The following UNC80 variants were observed in gnomAD, a reference collection of about 807,000 sequenced individuals.
UNC80 encodes the protein protein unc-80 homolog.
In UNC80, 164 loss-of-function variants were observed where a neutral mutation model predicts 384.6. The observed-to-expected ratio is 0.43, with a 90% CI of 0.38 to 0.49. UNC80 has a LOEUF of 0.49. Ranked by LOEUF, UNC80 falls within the 20% of genes least tolerant of loss-of-function variation. The pLI, the probability that UNC80 is intolerant of heterozygous loss-of-function variation, is 0.00. For missense variants in UNC80, 3,330 were observed against 4,143.0 expected, an observed-to-expected ratio of 0.80 and a Z score of 5.39; for synonymous variants, 1,486 against 1,527.8, an observed-to-expected ratio of 0.97 and a Z score of 0.64.
In UNC80 at chr2:209,880,945, C is replaced by T; in HGVS notation, c.3977-16C>T. 2 of 1,550,520 alleles carry T rather than the reference C, an allele frequency of 1.3e-6. No individual in the cohort carries two copies. Among genetic ancestry groups the T allele is most frequent in the Non-Finnish European group, 1.7e-6 (2 of 1,146,136 alleles). On this transcript the variant is annotated splice_polypyrimidine_tract_variant and intron_variant, in intron 24 of 64. Transcript: ENST00000673920. ...GTTGATTTGTCTCCTTATGAAAGAA[C>T]ACTTTCATTTCCTAGGTACTGTGAA...
At chr2:209,959,459 A>G (rs1239596913) in intron 50 of UNC80, 30 bp from the exon 51 acceptor site, 11 of 1,542,192 alleles carry the variant, frequency 7.1e-6, no homozygotes, top group Non-Finnish European at 9.7e-6. Context: ...ACATTTTCAG[A>G]CCCCTAGTTA....
intron 19 of UNC80, 75 bp from the exon 20 acceptor site, chr2:209,840,467 C>A: frequency 7.9e-7 from 1 of 1,267,992 alleles, no homozygotes; most frequent in Non-Finnish European, 1.1e-6. Context: ...GCTTGTTGGG[C>A]TTATGTTGAC....
chr2:209,850,748 A>G (rs113167812), intron 22 of UNC80, among the ~76,000 whole-genome samples: 1 of 152,098 alleles, frequency 6.6e-6, no homozygotes, highest in East Asian at 1.9e-4. Flanking sequence ...ATGTGTGTTG[A>G]TATGTGCCAT....
At chr2:209,776,525 T>C (rs1012830057) in intron 3 of UNC80, among the ~76,000 whole-genome samples, 5 of 152,172 alleles carry the variant, frequency 3.3e-5, no homozygotes, top group African/African-American at 9.7e-5. Flanking sequence ...AGGTTACAGT[T>C]AGCTGGGATC....
In UNC80 at chr2:209,825,966, G is replaced by C; in HGVS notation, c.2391G>C (p.Val797=). The C allele has an allele frequency of 6.4e-7, 1 of 1,550,954 alleles. No individual in the cohort carries two copies. Among genetic ancestry groups the C allele is most frequent in the South Asian group, 1.2e-5 (1 of 83,948 alleles). ...RLALTMLIKI[V]KSLGCAYGCG... ...CTCTAACAATGCTCATCAAAATAGT[G>C]AAGTCTTTGGGATGTGCCTATGGTT... The change falls in exon 14 of 65, where the codon GTG becomes GTC. Residue 797 remains valine (V), a synonymous_variant. Transcript: ENST00000673920.
chr2:209,962,892 T>G (rs543020208), intron 51 of UNC80, among the ~76,000 whole-genome samples: 3 of 152,226 alleles, frequency 2.0e-5, no homozygotes, highest in Non-Finnish European at 4.4e-5. Flanking sequence ...GAGGGTAGTA[T>G]TAAATCGTTC....
intron 18 of UNC80, among the ~76,000 whole-genome samples, chr2:209,837,978 A>G (rs1039868318): frequency 6.6e-6 from 1 of 151,938 alleles, no homozygotes; most frequent in Non-Finnish European, 1.5e-5. Context: ...TCGCCGTGTT[A>G]GCCAGAATGG....
chr2:209,869,089 C>A (rs1325070990), intron 22 of UNC80: 3 of 152,172 alleles, frequency 2.0e-5, no homozygotes, highest in Non-Finnish European at 4.4e-5. Context: ...CTCTGATACT[C>A]TGTGGTTCTT....
chr2:209,810,946 T>TG (rs1323530204), intron 7 of UNC80, among the ~76,000 whole-genome samples: 1 of 149,734 alleles, frequency 6.7e-6, no homozygotes, highest in African/African-American at 2.5e-5. Flanking sequence ...AGCATGGGGG[T>TG]GGGGGGAAGG....
In UNC80 at chr2:209,972,214, A is replaced by G; in HGVS notation, c.8270A>G (p.Asp2757Gly). Residue 2757 changes from aspartate to glycine, a missense_variant, in exon 55 of 65, where the codon GAT becomes GGT. Coordinates refer to ENST00000673920, the MANE Select transcript of UNC80 (RefSeq NM_001371986.1). ...VALQIQALKE[D>G]FPLSHVISPF... ...ATTGCTGCACAGGCTTTAAAAGAAG[A>G]TTTTCCTTTAAGCCATGTGATCTCC... The G allele has an allele frequency of 6.4e-7, 1 of 1,550,988 alleles. No homozygotes were observed. Among genetic ancestry groups the G allele is most frequent in the Non-Finnish European group, 8.7e-7 (1 of 1,146,676 alleles).
In UNC80 at chr2:209,872,723, T is replaced by C. The variant is rs1172767353; in HGVS notation, c.3628-35T>C. The C allele has an allele frequency of 2.0e-6, 3 of 1,507,308 alleles. No homozygotes were observed. Among genetic ancestry groups the C allele is most frequent in the Non-Finnish European group, 2.7e-6 (3 of 1,107,138 alleles). 93.4% of individuals were successfully genotyped at this position (1,507,308 alleles called of 1,614,324 possible). ...CCAATTTAAAGTTATTGTTCATTAA[T>C]CCCACATTATTCTTTCCTAAACAAC... On this transcript the variant is annotated intron_variant, in intron 22 of 64. Transcript: ENST00000673920. The surrounding 1 kb of genome is among the most constrained non-coding windows in gnomAD (Gnocchi z 4.1).
At chr2:209,846,735 C>T (rs968751806) in intron 21 of UNC80, among the ~76,000 whole-genome samples, 18 of 151,934 alleles carry the variant, frequency 1.2e-4, no homozygotes, top group Non-Finnish European at 2.1e-4. Flanking sequence ...AAAAAGTAAT[C>T]GTTATGTCTA....
intron 7 of UNC80, among the ~76,000 whole-genome samples, chr2:209,801,953 T>C (rs1355434571): frequency 6.6e-6 from 1 of 152,222 alleles, no homozygotes; most frequent in African/African-American, 2.4e-5. Context: ...CCTAGTTGAA[T>C]AATCTTCTGC....
chr2:209,839,336 A>G lies in UNC80; in HGVS notation c.3156A>G (p.Glu1052=). 6.4e-7 allele frequency: 1 copy of G among 1,551,824 alleles called. No individual in the cohort carries two copies. ...TSSQSEQDTS[E]CTTAHSGTTS... ...GCCAGTCTGAACAGGACACTTCAGA[A>G]TGCACGACTGCCCACTCAGGGACCA... The change falls in exon 19 of 65, where the codon GAA becomes GAG. Residue 1052 remains glutamate (E), a synonymous_variant. Transcript: ENST00000673920. The surrounding 1 kb of genome is among the most constrained non-coding windows in gnomAD (Gnocchi z 4.1).
Position 209,829,396 on chromosome 2 carries a change from C to A in UNC80, c.2626+17C>A. 1 of 1,550,730 alleles carries A rather than the reference C, an allele frequency of 6.4e-7. No individual in the cohort carries two copies. The highest frequency in any genetic ancestry group is 8.7e-7 in the Non-Finnish European group (1 of 1,146,432). The stretch of plus-strand genomic sequence containing the variant: ...TCACTGACAGTAAGTAAAGCTGCAC[C>A]CAAGTTCTAGGAGAAGTCGTTGTGA... On this transcript the variant is annotated intron_variant, in intron 15 of 64. Transcript: ENST00000673920.
intron 4 of UNC80, among the ~76,000 whole-genome samples, chr2:209,780,174 C>G (rs911147253): frequency 6.6e-6 from 1 of 152,156 alleles, no homozygotes; most frequent in Non-Finnish European, 1.5e-5. Flanking sequence ...TCAGGAGTGA[C>G]TACTCAAATA....
At position 209,839,208 on chromosome 2, in the gene UNC80, C is replaced by T. The variant is rs555647580; in HGVS notation, c.3042-14C>T. 2 of 1,550,786 alleles carry T rather than the reference C, an allele frequency of 1.3e-6. No individual in the cohort carries two copies. Among genetic ancestry groups the T allele is most frequent in the African/African-American group, 2.7e-5 (2 of 73,128 alleles). On this transcript the variant is annotated splice_polypyrimidine_tract_variant and intron_variant, in intron 18 of 64. Coordinates refer to ENST00000673920, the MANE Select transcript of UNC80 (RefSeq NM_001371986.1). This position sits in a 1 kb window ranked among gnomAD's most constrained non-coding sequence, Gnocchi z 4.1. ...GTTGTCAGAAGTTTAACCCTATCCTCTGCTTGCCTACAGCGATGAACAAAT... is the reference window on the plus strand; with the variant it reads ...GTTGTCAGAAGTTTAACCCTATCCTTTGCTTGCCTACAGCGATGAACAAAT...
In UNC80 at chr2:209,772,179, G is replaced by A. The variant is rs1291453071; in HGVS notation, c.92+15G>A. On this transcript the variant is annotated intron_variant, in intron 1 of 64. Transcript: ENST00000673920. ...CGGCAAACCAGGTGAGGGGCGCAGA[G>A]GGCGCACCGCGGGCCGCCCTGGGCT... The A allele has an allele frequency of 2.0e-6, 3 of 1,530,840 alleles. No homozygotes were observed. The highest frequency in any genetic ancestry group is 2.6e-6 in the Non-Finnish European group (3 of 1,137,202). 94.8% of individuals were successfully genotyped at this position (1,530,840 alleles called of 1,614,324 possible).
rs1434917270 is a variant in UNC80 at position 209,819,077 on chromosome 2, A to G, written c.1778A>G (p.Asn593Ser). ...SFNVGYADFF[N>S]EHMRKLCNQV... ...AACGTAGGCTATGCAGACTTTTTCA[A>G]TGAGCATATGAGGAAACTCTGCAAC... The change falls in exon 12 of 65, where the codon AAT becomes AGT. Residue 593 changes from asparagine (N) to serine (S), a missense_variant. Physicochemically the swap from Asn to Ser is conservative, Grantham distance 46. This residue lies in a region of UNC80 where 937 missense variants were observed against 1,026.8 expected (regional missense o/e 0.91). Transcript: ENST00000673920. 13 of 1,552,060 alleles carry G rather than the reference A, an allele frequency of 8.4e-6. No individual in the cohort carries two copies. Among genetic ancestry groups the G allele is most frequent in the African/African-American group, 1.4e-5 (1 of 73,154 alleles).
Sources: allele counts gnomAD v4.1 joint callset (sites outside exome capture counted in the v4.1 genomes callset), GRCh38; gene constraint gnomAD v4.1.1; regional missense constraint gnomAD v4.1.1; non-coding constraint Gnocchi (gnomAD v3.1); transcripts MANE v1.5; gene names NCBI Gene and HGNC (gene_info 2026-07-23, HGNC 2026-07-21).